Variants in IGSF9B observed in about 807,000 individuals in gnomAD.
IGSF9B encodes the protein protein turtle homolog B.
In IGSF9B, 48 loss-of-function variants were observed where a neutral mutation model predicts 143.7. The observed-to-expected ratio is 0.33, with a 90% CI of 0.26 to 0.42. IGSF9B has a LOEUF of 0.42. IGSF9B is among the 20% of genes least tolerant of loss of function. IGSF9B has a pLI of 1.00. For missense variants in IGSF9B, 1,706 were observed against 1,980.0 expected, an observed-to-expected ratio of 0.86 and a Z score of 2.63; for synonymous variants, 903 against 833.1, an observed-to-expected ratio of 1.08 and a Z score of -1.44.
rs1342438747 is a variant in IGSF9B, at chr11:133,902,926, G to A, written c.*6143C>T. Reference sequence around the variant, plus strand: ...CCAGCGTGAGGAGGGCTGGGCACTCGCCCCTCCCATGGCTTATATGAAAAC... The same window carrying A: ...CCAGCGTGAGGAGGGCTGGGCACTCACCCCTCCCATGGCTTATATGAAAAC... On this transcript the variant is annotated 3_prime_UTR_variant, in exon 20 of 20. Coordinates refer to ENST00000533871, the MANE Select transcript of IGSF9B (RefSeq NM_001277285.4). 6.6e-5 allele frequency among the ~76,000 whole-genome samples: 10 copies of A among 152,044 alleles called. No homozygotes were observed. The highest frequency in any genetic ancestry group is 9.7e-5 in the African/African-American group (4 of 41,398).
rs375560288 is a variant in IGSF9B, at chr11:133,931,424, G to A, written c.1368+29C>T. On this transcript the variant is annotated intron_variant, in intron 10 of 19. Transcript: ENST00000533871. This position sits in a 1 kb window ranked among gnomAD's most constrained non-coding sequence, Gnocchi z 7.7. ...GCTCCCTGGGCCCTCACACCTCCCT[G>A]CAGACCCAGGGCTCCAGGGCCCAGG... The A allele has an allele frequency of 3.8e-5, 58 of 1,533,916 alleles. No homozygotes were observed. The Middle Eastern group carries it at 5.1e-4, about 14-fold the overall frequency.
intron 18 of IGSF9B, among the ~76,000 whole-genome samples, chr11:133,915,967 C>T (rs1939373412): frequency 6.6e-6 from 1 of 152,240 alleles, no homozygotes; most frequent in Non-Finnish European, 1.5e-5. Flanking sequence ...AGATGGAACC[C>T]TTCTGTGGGG....
chr11:133,956,944 G>T lies in IGSF9B; in HGVS notation c.-190C>A, dbSNP rs1487701967. 22 of 379,782 alleles carry T rather than the reference G, an allele frequency of 5.8e-5. No homozygotes were observed. In the East Asian group the frequency reaches 8.7e-4, roughly 15 times the overall value. 23.5% of individuals were successfully genotyped at this position (379,782 alleles called of 1,614,324 possible). A position where few individuals can be genotyped will look rare whatever the true frequency, so the allele number is the denominator to read the frequency against. ...GCTCGGCTCGGCGCGCGCCTCCCCGGCCCCGGCGCAGCGGCACCTGCACTA... is the reference window on the plus strand; with the variant it reads ...GCTCGGCTCGGCGCGCGCCTCCCCGTCCCCGGCGCAGCGGCACCTGCACTA... On this transcript the variant is annotated 5_prime_UTR_variant, in exon 1 of 20. Coordinates refer to ENST00000533871, the MANE Select transcript of IGSF9B (RefSeq NM_001277285.4).
chr11:133,942,924 G>A (rs1419387134), intron 3 of IGSF9B, among the ~76,000 whole-genome samples: 2 of 152,082 alleles, frequency 1.3e-5, no homozygotes, highest in Non-Finnish European at 2.9e-5. Flanking sequence ...CCAGCCTAGG[G>A]CCACCAGCTG....
rs1194322510 is a variant in IGSF9B at position 133,900,635 on chromosome 11, C to G, written c.*8434G>C. The G allele has an allele frequency of 6.6e-6, 1 of 152,638 alleles. No individual in the cohort carries two copies. Among genetic ancestry groups the G allele is most frequent in the Non-Finnish European group, 1.5e-5 (1 of 68,052 alleles). 9.5% of individuals were successfully genotyped at this position (152,638 alleles called of 1,614,324 possible). A position where few individuals can be genotyped will look rare whatever the true frequency, so the allele number is the denominator to read the frequency against. On this transcript the variant is annotated 3_prime_UTR_variant, in exon 20 of 20. Transcript: ENST00000533871. ...TCTCCCAGGCCGGCCCACAGTTCAT[C>G]TCTCCCTCCTCATCCTCCACTCAGT...
At chr11:133,951,696 C>T (rs995089881) in intron 1 of IGSF9B, among the ~76,000 whole-genome samples, 1 of 152,218 alleles carries the variant, frequency 6.6e-6, no homozygotes, top group African/African-American at 2.4e-5. Context: ...CTGCCCCTCT[C>T]CCCACCTGGG....
chr11:133,920,073 G>T lies in IGSF9B; in HGVS notation c.3652C>A (p.Leu1218Ile), dbSNP rs373498738. The T allele has an allele frequency of 1.3e-5, 20 of 1,534,878 alleles. No homozygotes were observed. The highest frequency in any genetic ancestry group is 1.7e-5 in the Non-Finnish European group (19 of 1,142,162). The change falls in exon 18 of 20, where the codon CTC becomes ATC. Residue 1218 changes from leucine to isoleucine, a missense_variant. Coordinates refer to ENST00000533871, the MANE Select transcript of IGSF9B (RefSeq NM_001277285.4). ...PLSSRTGSPE[L>I]AARARPRPGL... Reference sequence around the variant, plus strand: ...GGGCGAGGCCGGGCACGGGCGGCGAGCTCAGGGGAGCCGGTGCGGGAGCTG... The same window carrying T: ...GGGCGAGGCCGGGCACGGGCGGCGATCTCAGGGGAGCCGGTGCGGGAGCTG...
rs1939157953 is a variant in IGSF9B at position 133,902,664 on chromosome 11, C to A, written c.*6405G>T. ...GGGGGTTAGAGACCAGGGGGACAAC[C>A]TGGTGCCTGCAGAAGGACACATGAG... On this transcript the variant is annotated 3_prime_UTR_variant, in exon 20 of 20. Coordinates refer to ENST00000533871, the MANE Select transcript of IGSF9B (RefSeq NM_001277285.4). Among the ~76,000 whole-genome samples, 1 of 151,540 alleles carries A rather than the reference C, an allele frequency of 6.6e-6. No homozygotes were observed. The highest frequency in any genetic ancestry group is 2.4e-5 in the African/African-American group (1 of 41,212).
In IGSF9B at chr11:133,924,595, C is replaced by A. The variant is rs530338089; in HGVS notation, c.2119+225G>T. Among the ~76,000 whole-genome samples, 7 of 152,260 alleles carry A rather than the reference C, an allele frequency of 4.6e-5. No individual in the cohort carries two copies. The East Asian group carries it at 1.4e-3, about 29-fold the overall frequency. On this transcript the variant is annotated intron_variant, in intron 15 of 19. Transcript: ENST00000533871. ...AATTTCTTTCTGTGGCTGTCTTATA[C>A]AAGTGTCAGAAACTCAGCTTCTGAG...
intron 1 of IGSF9B, among the ~76,000 whole-genome samples, chr11:133,949,786 T>C (rs888507207): frequency 3.9e-5 from 6 of 152,006 alleles, no homozygotes; most frequent in Admixed American, 2.0e-4. Context: ...TGGAGTGTGC[T>C]GAGCCCCTCT....
In IGSF9B at chr11:133,928,184, C is replaced by A. The variant is rs768282030; in HGVS notation, c.1632-1093G>T. 6.6e-6 allele frequency among the ~76,000 whole-genome samples: 1 copy of A among 152,158 alleles called. No homozygotes were observed. Among genetic ancestry groups the A allele is most frequent in the Non-Finnish European group, 1.5e-5 (1 of 68,024 alleles). On this transcript the variant is annotated intron_variant, in intron 12 of 19. Transcript: ENST00000533871. The surrounding 1 kb of genome is among the most constrained non-coding windows in gnomAD (Gnocchi z 4.7). The stretch of plus-strand genomic sequence containing the variant: ...ATGCCCAGACCTCCCACCCAGGCAT[C>A]TCCAAAGACAGCTTGACCACACCAA...
At position 133,920,517 on chromosome 11, in the gene IGSF9B, G is replaced by C. The variant is rs1443889401; in HGVS notation, c.3208C>G (p.Leu1070Val). 6.2e-7 allele frequency: 1 copy of C among 1,601,296 alleles called. No individual in the cohort carries two copies. The highest frequency in any genetic ancestry group is 8.5e-7 in the Non-Finnish European group (1 of 1,173,204). Residue 1070 changes from leucine to valine, a missense_variant, in exon 18 of 20, where the codon CTG (leucine) becomes GTG (valine). Leu to Val is a conservative substitution (Grantham distance 32, BLOSUM62 1). Transcript: ENST00000533871. ...CGGGGGAGGCCGGCCTTGGGCTGCA[G>C]ACTCTCGGGCACATCACAGGGTGGC... ...QLPPCDVPES[L>V]QPKAGLPRGL... is the part of the protein sequence containing the mutation.
At chr11:133,946,350 C>G (rs1940052250) in intron 1 of IGSF9B, 92 bp from the exon 2 acceptor site, 1 of 1,108,956 alleles carries the variant, frequency 9.0e-7, no homozygotes, top group African/African-American at 1.5e-5. Flanking sequence ...GTCACCCCGC[C>G]CCCCACCAGC....
chr11:133,906,114 C>G lies in IGSF9B; in HGVS notation c.*2955G>C, dbSNP rs1026551149. Among the ~76,000 whole-genome samples, 2 of 152,230 alleles carry G rather than the reference C, an allele frequency of 1.3e-5. No individual in the cohort carries two copies. The highest frequency in any genetic ancestry group is 2.9e-5 in the Non-Finnish European group (2 of 68,036). ...GGGGAAGTTTGGAAGGCGTGATCTC[C>G]TACAGAGTGAGTGCCGAAGTCCTAA... On this transcript the variant is annotated 3_prime_UTR_variant, in exon 20 of 20. Transcript: ENST00000533871.
Position 133,935,666 on chromosome 11 carries a change from G to T in IGSF9B, c.918C>A (p.Ser306Arg). The change falls in exon 7 of 20, where the codon AGC becomes AGA. Residue 306 changes from serine (S) to arginine (R), a missense_variant. Physicochemically the swap from Ser to Arg is moderately radical, Grantham distance 110 (BLOSUM62 -1). This residue lies in a region of IGSF9B where 238 missense variants were observed against 452.6 expected (regional missense o/e 0.53). Coordinates refer to ENST00000533871, the MANE Select transcript of IGSF9B (RefSeq NM_001277285.4). ...EDSGKYTCVP[S>R]NSLGRSPSAS... Reference sequence around the variant, plus strand: ...CGGAGGGGGAGCGCCCCAGGCTGTTGCTGGGCACACAGGTGTACTTCCCCG... The same window carrying T: ...CGGAGGGGGAGCGCCCCAGGCTGTTTCTGGGCACACAGGTGTACTTCCCCG... 1 of 1,610,650 alleles carries T rather than the reference G, an allele frequency of 6.2e-7. No individual in the cohort carries two copies. Among genetic ancestry groups the T allele is most frequent in the Non-Finnish European group, 8.5e-7 (1 of 1,178,748 alleles).
In IGSF9B at chr11:133,925,795, G is replaced by C; in HGVS notation, c.1978C>G (p.Leu660Val). The C allele has an allele frequency of 1.9e-6, 3 of 1,613,922 alleles. No homozygotes were observed. Among genetic ancestry groups the C allele is most frequent in the Non-Finnish European group, 2.5e-6 (3 of 1,179,882 alleles). The change falls in exon 14 of 20, where the codon CTC (leucine) becomes GTC (valine). Residue 660 changes from leucine (L) to valine (V), a missense_variant. Around this residue, in one of 7 missense-constraint regions of IGSF9B, gnomAD observed 267 missense variants for 321.1 expected, o/e 0.83. Coordinates refer to ENST00000533871, the MANE Select transcript of IGSF9B (RefSeq NM_001277285.4). ...TCGGTGCCGGGGATGCCATCGTCGA[G>C]CAACTCCCAGCGCTCTGCGACACGG... is the stretch of plus-strand genomic sequence containing the variant. ...EFRVAERWELLDDGIPGTEGE... is the reference protein window; with the variant it reads ...EFRVAERWELVDDGIPGTEGE...
chr11:133,956,621 C>CCGAGGGGCCGGGCG, intron 1 of IGSF9B, 70 bp downstream of exon 1: 1 of 1,083,448 alleles, frequency 9.2e-7, no homozygotes, highest in African/African-American at 1.7e-5. Context: ...AGCCGGGAAA[C>CCGAGGGGCCGGGCG]CGAGGGGCCG....
chr11:133,956,755 A>T lies in IGSF9B; in HGVS notation c.-1T>A. 6.6e-7 allele frequency: 1 copy of T among 1,513,990 alleles called. No homozygotes were observed. Among genetic ancestry groups the T allele is most frequent in the Non-Finnish European group, 8.9e-7 (1 of 1,129,610 alleles). 93.8% of individuals were successfully genotyped at this position (1,513,990 alleles called of 1,614,324 possible). ...TGAAAGTGGCCACATACCAAATCATAGTACTACCGCGCCAGCCCGGAGCCT... is the reference window on the plus strand; with the variant it reads ...TGAAAGTGGCCACATACCAAATCATTGTACTACCGCGCCAGCCCGGAGCCT... On this transcript the variant is annotated 5_prime_UTR_variant, in exon 1 of 20. Transcript: ENST00000533871.
At chr11:133,911,436 T>C (rs1002695201) in intron 19 of IGSF9B, among the ~76,000 whole-genome samples, 1 of 152,036 alleles carries the variant, frequency 6.6e-6, no homozygotes, top group African/African-American at 2.4e-5. Context: ...AGGCCTGAAA[T>C]GATAGAGGGG....
Sources: gnomAD v4.1 joint callset for allele counts (sites outside exome capture counted in the v4.1 genomes callset) on GRCh38, gnomAD v4.1.1 for gene constraint, gnomAD v4.1.1 regional missense constraint, Gnocchi (gnomAD v3.1) non-coding constraint, MANE v1.5 for transcripts, NCBI Gene and HGNC (gene_info 2026-07-23, HGNC 2026-07-21) for gene names.